The following UPK1B variants were observed in gnomAD, a reference collection of about 807,000 sequenced individuals.
UPK1B encodes uroplakin-1b.
In UPK1B, 28 loss-of-function variants were observed where a neutral mutation model predicts 34.2. The observed-to-expected ratio is 0.82, with a 90% confidence interval of 0.61 to 1.12. The LOEUF (loss-of-function observed/expected upper bound fraction) is 1.12, where lower values mean the gene tolerates loss of function less well. Ranked by LOEUF, UPK1B falls within the 50% of genes most tolerant of loss-of-function variation. UPK1B has a pLI of 0.00. For synonymous variants in UPK1B, 81 were observed against 110.4 expected (o/e 0.73, Z 1.67); for missense variants, 325 against 320.9 (o/e 1.01, Z -0.10).
intron 1 of UPK1B, among the ~76,000 whole-genome samples, chr3:119,183,595 G>C (rs1325187126): frequency 6.6e-6 from 1 of 152,074 alleles, no homozygotes; most frequent in Non-Finnish European, 1.5e-5. Flanking sequence ...CAAGACAACA[G>C]CTTCTCCCCC....
At chr3:119,189,657 A>G (rs2078035536) in intron 3 of UPK1B, among the ~76,000 whole-genome samples, 1 of 152,222 alleles carries the variant, frequency 6.6e-6, no homozygotes, top group South Asian at 2.1e-4. Context: ...AAGAACACCC[A>G]CAAATGCTGT....
At chr3:119,179,348 G>A (rs2077974488) in intron 1 of UPK1B, among the ~76,000 whole-genome samples, 2 of 81,350 alleles carry the variant, frequency 2.5e-5, no homozygotes, top group South Asian at 8.3e-4. Context: ...GAGAGAGAGA[G>A]GGAGATATAT....
In UPK1B at chr3:119,204,120, A is replaced by G; in HGVS notation, c.*153A>G. On this transcript the variant is annotated 3_prime_UTR_variant, in exon 8 of 8. Coordinates refer to ENST00000264234, the MANE Select transcript of UPK1B (RefSeq NM_006952.4). ...TGGTACGGACTTCCTTTAGGATCTCAGGCTTCTGCAGTTCTCATGACTCCT... is the reference window on the plus strand; with the variant it reads ...TGGTACGGACTTCCTTTAGGATCTCGGGCTTCTGCAGTTCTCATGACTCCT... 1 of 756,588 alleles carries G rather than the reference A, an allele frequency of 1.3e-6. No homozygotes were observed. The highest frequency in any genetic ancestry group is 2.2e-6 in the Non-Finnish European group (1 of 464,628). The allele number at this position is 756,588 out of a possible 1,614,324, so 46.9% of individuals were successfully genotyped here.
intron 1 of UPK1B, among the ~76,000 whole-genome samples, chr3:119,174,181 T>G (rs2077941924): frequency 6.6e-6 from 1 of 152,254 alleles, no homozygotes; most frequent in Admixed American, 6.5e-5. Context: ...TACTCCCAGT[T>G]ATTCTCTGCA....
chr3:119,192,525 A>G (rs147229841), intron 5 of UPK1B, among the ~76,000 whole-genome samples: 98 of 152,096 alleles, frequency 6.4e-4, no homozygotes, highest in Non-Finnish European at 1.2e-3. Flanking sequence ...ACTTGTCACT[A>G]TTTCACATGT....
At chr3:119,179,514 T>C (rs1297081004) in intron 1 of UPK1B, among the ~76,000 whole-genome samples, 1 of 86,568 alleles carries the variant, frequency 1.2e-5, no homozygotes, top group Admixed American at 1.0e-4. Context: ...AGTCTTTTTT[T>C]TTTTTTTTTT....
At chr3:119,188,930 A>T (rs376075198) in intron 3 of UPK1B, among the ~76,000 whole-genome samples, 8 of 152,298 alleles carry the variant, frequency 5.3e-5, no homozygotes, top group South Asian at 4.1e-4. Flanking sequence ...GAACATTTAC[A>T]TTCTCTGGTT....
At chr3:119,193,872 C>A (rs1318774293) in intron 5 of UPK1B, among the ~76,000 whole-genome samples, 2 of 152,070 alleles carry the variant, frequency 1.3e-5, no homozygotes, top group African/African-American at 4.8e-5. Context: ...GTATTGAGCA[C>A]ATTAAGTATA....
In UPK1B at chr3:119,204,187, C is replaced by A. The variant is rs1418786937; in HGVS notation, c.*220C>A. 1.4e-5 allele frequency: 7 copies of A among 518,254 alleles called. No homozygotes were observed. Among genetic ancestry groups the A allele is most frequent in the Non-Finnish European group, 2.4e-5 (7 of 293,180 alleles). 32.1% of individuals were successfully genotyped at this position (518,254 alleles called of 1,614,324 possible). A position where few individuals can be genotyped will look rare whatever the true frequency, so the allele number is the denominator to read the frequency against. ...TAGCATTCTGCAACATTTATATAGACTGTTGAAAGGAGAATTTGAAAAATG... is the reference window on the plus strand; with the variant it reads ...TAGCATTCTGCAACATTTATATAGAATGTTGAAAGGAGAATTTGAAAAATG... On this transcript the variant is annotated 3_prime_UTR_variant, in exon 8 of 8. Transcript: ENST00000264234.
At chr3:119,187,666 G>T (rs1465202674) in intron 2 of UPK1B, 109 bp from the exon 3 acceptor site, 1 of 1,156,766 alleles carries the variant, frequency 8.6e-7, no homozygotes, top group Non-Finnish European at 1.3e-6. Flanking sequence ...TAGATTAGTT[G>T]CATAAAGCCT....
At chr3:119,196,408 A>G (rs2078067624) in intron 6 of UPK1B, among the ~76,000 whole-genome samples, 1 of 152,128 alleles carries the variant, frequency 6.6e-6, no homozygotes, top group Non-Finnish European at 1.5e-5. Flanking sequence ...CTCCTTGAGG[A>G]CTATGTATTA....
intron 6 of UPK1B, among the ~76,000 whole-genome samples, chr3:119,196,992 C>CCA (rs1341411408): frequency 6.6e-6 from 1 of 150,552 alleles, no homozygotes; most frequent in Admixed American, 6.7e-5. Flanking sequence ...CAGGCATGTA[C>CCA]CACCAGGCCT....
chr3:119,187,658 G>A, intron 2 of UPK1B, 117 bp from the exon 3 acceptor site: 1 of 1,067,746 alleles, frequency 9.4e-7, no homozygotes, highest in Admixed American at 1.8e-5. Flanking sequence ...GGGGAGTTTA[G>A]ATTAGTTGCA....
At position 119,204,166 on chromosome 3, in the gene UPK1B, A is replaced by AT; in HGVS notation, c.*201dup. On this transcript the variant is annotated 3_prime_UTR_variant, in exon 8 of 8. Transcript: ENST00000264234. ...CTCCTACTTTTCATCCTAGTCTAGC[A>AT]TTCTGCAACATTTATATAGACTGTT... The AT allele has an allele frequency of 1.7e-6, 1 of 575,664 alleles. No homozygotes were observed. The allele number at this position is 575,664 out of a possible 1,614,324, so 35.7% of individuals were successfully genotyped here.
intron 5 of UPK1B, among the ~76,000 whole-genome samples, chr3:119,191,395 T>C (rs1386004530): frequency 1.3e-5 from 2 of 152,196 alleles, no homozygotes; most frequent in Non-Finnish European, 2.9e-5. Flanking sequence ...TGAGCTAGTC[T>C]TGCCAAGGAC....
At chr3:119,174,394 T>G (rs9820277) in intron 1 of UPK1B, among the ~76,000 whole-genome samples, 3,166 of 152,298 alleles carry the variant, frequency 0.021, 120 homozygotes, top group African/African-American at 0.072. Context: ...CTAGTATTAT[T>G]TTATGTTTGC....
At chr3:119,192,710 G>A (rs74798879) in intron 5 of UPK1B, among the ~76,000 whole-genome samples, 1,741 of 152,206 alleles carry the variant, frequency 0.011, 32 homozygotes, top group African/African-American at 0.039. Flanking sequence ...ATGTCACACA[G>A]GCTGTCCTTT....
At chr3:119,197,891 A>C (rs775856340) in intron 6 of UPK1B, among the ~76,000 whole-genome samples, 2 of 152,232 alleles carry the variant, frequency 1.3e-5, no homozygotes, top group African/African-American at 4.8e-5. Context: ...GGTTTGAATT[A>C]AGTGAGAAAA....
rs770012188 is a variant in UPK1B, at chr3:119,191,006, C to T, written c.370C>T (p.Gln124Ter). ...GTTCACACCCAACCTCTTCCTGAAGCAGATGCTAGAGAGGTACCAAAACAA... is the reference window on the plus strand; with the variant it reads ...GTTCACACCCAACCTCTTCCTGAAGTAGATGCTAGAGAGGTACCAAAACAA... Reference protein sequence around the residue: ...DFFTPNLFLKQMLERYQNNSP... With the variant: ...DFFTPNLFLK Residue 124 changes from glutamine (Q) to a stop codon, truncating the protein, a stop_gained, in exon 5 of 8, where the codon CAG becomes TAG. Coordinates refer to ENST00000264234, the MANE Select transcript of UPK1B (RefSeq NM_006952.4). LOFTEE classifies it high-confidence loss of function. 15 of 1,614,010 alleles carry T rather than the reference C, an allele frequency of 9.3e-6. No individual in the cohort carries two copies. Among genetic ancestry groups the T allele is most frequent in the Admixed American group, 6.7e-5 (4 of 60,026 alleles).
Sources: gnomAD v4.1 joint callset for allele counts (sites outside exome capture counted in the v4.1 genomes callset) on GRCh38, gnomAD v4.1.1 for gene constraint, MANE v1.5 for transcripts, NCBI Gene and HGNC (gene_info 2026-07-23, HGNC 2026-07-21) for gene names.